Variants in CNNM2 observed in about 807,000 individuals in gnomAD.
The protein encoded by CNNM2 is metal transporter CNNM2.
A neutral mutation model predicts 66.9 loss-of-function variants in CNNM2; 12 were observed. That is an observed-to-expected ratio of 0.18 (90% CI 0.11 to 0.29). CNNM2 has a LOEUF of 0.29. Among genes scored for constraint, CNNM2 ranks in the 10% least tolerant of loss-of-function variants. CNNM2 has a pLI of 1.00. For missense variants in CNNM2, 705 were observed against 1,167.7 expected, an observed-to-expected ratio of 0.60 and a Z score of 5.77; for synonymous variants, 557 against 501.8, an observed-to-expected ratio of 1.11 and a Z score of -1.47.
chr10:103,090,162 T>C lies in CNNM2; in HGVS notation c.*12982T>C, dbSNP rs898073443. On this transcript the variant is annotated 3_prime_UTR_variant, in exon 8 of 8. Coordinates refer to ENST00000369878, the MANE Select transcript of CNNM2 (RefSeq NM_017649.5). ...AAGATGGAGAGGGGAGTTTACTTTC[T>C]ATTTTACAGCAAAAACAAGATAGTC... 8 of 419,854 alleles carry C rather than the reference T, an allele frequency of 1.9e-5. No homozygotes were observed. The highest frequency in any genetic ancestry group is 1.4e-4 in the African/African-American group (7 of 49,478). 26.0% of individuals were successfully genotyped at this position (419,854 alleles called of 1,614,324 possible).
chr10:103,029,879 A>C (rs76791130), intron 1 of CNNM2, among the ~76,000 whole-genome samples: 1 of 147,938 alleles, frequency 6.8e-6, no homozygotes, highest in African/African-American at 2.5e-5. Flanking sequence ...AAAAAAAAAA[A>C]TAATCTCAGA....
At chr10:102,925,326 A>AGATTTACTTG (rs1259313473) in intron 1 of CNNM2, among the ~76,000 whole-genome samples, 1 of 150,068 alleles carries the variant, frequency 6.7e-6, no homozygotes, top group Non-Finnish European at 1.5e-5. Context: ...AAAAAAAAAA[A>AGATTTACTTG]GATTTACTTG....
intron 1 of CNNM2, among the ~76,000 whole-genome samples, chr10:102,971,083 T>C (rs2063539776): frequency 6.6e-6 from 1 of 151,450 alleles, no homozygotes; most frequent in African/African-American, 2.4e-5. Context: ...CCTCTAGTCC[T>C]GGTTACTCAG....
chr10:102,992,401 C>A (rs1289852418), intron 1 of CNNM2, among the ~76,000 whole-genome samples: 1 of 151,064 alleles, frequency 6.6e-6, no homozygotes, highest in Non-Finnish European at 1.5e-5. Context: ...GTTTTCTGAG[C>A]AGCTGGGATT....
intron 1 of CNNM2, among the ~76,000 whole-genome samples, chr10:102,958,039 C>T (rs1367628425): frequency 2.0e-5 from 3 of 152,160 alleles, no homozygotes; most frequent in Admixed American, 6.5e-5. Context: ...TGGGTTCAAG[C>T]GATTTTCCTG....
At chr10:103,041,128 T>G (rs2065033063) in intron 1 of CNNM2, among the ~76,000 whole-genome samples, 1 of 152,110 alleles carries the variant, frequency 6.6e-6, no homozygotes, top group Non-Finnish European at 1.5e-5. Context: ...CTGAACCTAC[T>G]TAGCCCCTCC....
chr10:102,919,718 A>T lies in CNNM2; in HGVS notation c.1238A>T (p.Lys413Ile). The change falls in exon 1 of 8, where the codon AAA becomes ATA. Residue 413 changes from lysine to isoleucine, a missense_variant. By Grantham distance (102) the Lys-to-Ile change is moderately radical. Transcript: ENST00000369878. ...QEIGTVYNRE[K>I]LLEMLRVTDP... ...ATAGGCACCGTCTATAACCGGGAAA[A>T]ACTGCTGGAGATGCTCCGGGTCACC... The T allele has an allele frequency of 6.2e-7, 1 of 1,614,132 alleles. No homozygotes were observed. Among genetic ancestry groups the T allele is most frequent in the Non-Finnish European group, 8.5e-7 (1 of 1,180,030 alleles).
intron 1 of CNNM2, among the ~76,000 whole-genome samples, chr10:102,975,895 C>G (rs565813801): frequency 6.6e-6 from 1 of 152,090 alleles, no homozygotes. Flanking sequence ...ATAATTACAA[C>G]GAAGTCAGCA....
intron 1 of CNNM2, among the ~76,000 whole-genome samples, chr10:103,028,971 TGCCACCATGCC>T (rs2064768463): frequency 7.0e-6 from 1 of 142,196 alleles, no homozygotes; most frequent in Non-Finnish European, 1.6e-5. Flanking sequence ...TATAGGCGTG[TGCCACCATGCC>T]CACTAACTTT....
chr10:102,935,875 T>C (rs1480488522), intron 1 of CNNM2, among the ~76,000 whole-genome samples: 2 of 147,474 alleles, frequency 1.4e-5, no homozygotes, highest in African/African-American at 5.0e-5. Flanking sequence ...CACCTTGGAC[T>C]CCTAAAGTGT....
At chr10:103,075,581 A>C (rs1221905418) in intron 6 of CNNM2, among the ~76,000 whole-genome samples, 1 of 152,202 alleles carries the variant, frequency 6.6e-6, no homozygotes, top group African/African-American at 2.4e-5. Context: ...GACGAAGATA[A>C]TAGGTTCAGC....
rs4917992 is a variant in CNNM2 at position 103,026,556 on chromosome 10, G to A, written c.1622-23151G>A. Reference sequence around the variant, plus strand: ...GTCAAGGTTGCAGTGAGCTGTGATCGTGCCACTGCACTCTAGCCTTAGGGA... The same window carrying A: ...GTCAAGGTTGCAGTGAGCTGTGATCATGCCACTGCACTCTAGCCTTAGGGA... On this transcript the variant is annotated intron_variant, in intron 1 of 7. Transcript: ENST00000369878. Among the ~76,000 whole-genome samples, 44,620 of 144,780 alleles carry A rather than the reference G, an allele frequency of 0.31. 6,845 individuals are homozygous for A. The highest frequency in any genetic ancestry group is 0.41 in the Middle Eastern group (103 of 252). 95.0% of individuals were successfully genotyped at this position (144,780 alleles called of 152,430 possible). A position where few individuals can be genotyped will look rare whatever the true frequency, so the allele number is the denominator to read the frequency against.
chr10:102,965,316 C>T (rs539093344), intron 1 of CNNM2, among the ~76,000 whole-genome samples: 1 of 152,304 alleles, frequency 6.6e-6, no homozygotes, highest in South Asian at 2.1e-4. Flanking sequence ...TCTTTTTCCT[C>T]TTGAGGGTGA....
At chr10:102,935,419 C>T (rs1453234717) in intron 1 of CNNM2, among the ~76,000 whole-genome samples, 1 of 151,938 alleles carries the variant, frequency 6.6e-6, no homozygotes, top group Admixed American at 6.6e-5. Flanking sequence ...TGTGATCACA[C>T]CTCTGCAATC....
intron 3 of CNNM2, 167 bp from the exon 4 acceptor site, chr10:103,056,628 C>A: frequency 1.5e-6 from 1 of 650,380 alleles, no homozygotes; most frequent in Non-Finnish European, 2.7e-6. Context: ...TTTCTAATTT[C>A]TCCCAGGTAA....
rs551653637 is a variant in CNNM2 at position 102,971,257 on chromosome 10, A to G, written c.1621+51156A>G. Among the ~76,000 whole-genome samples, 7 of 148,186 alleles carry G rather than the reference A, an allele frequency of 4.7e-5. No individual in the cohort carries two copies. In the East Asian group the frequency reaches 1.4e-3, roughly 29 times the overall value. ...TAGAGACCTCGTCCCTAAAAAAAAA[A>G]AAAAGAAAAAAAAAAAAGTCTCTGG... On this transcript the variant is annotated intron_variant, in intron 1 of 7. Coordinates refer to ENST00000369878, the MANE Select transcript of CNNM2 (RefSeq NM_017649.5).
chr10:102,970,821 C>T (rs1430668331), intron 1 of CNNM2, among the ~76,000 whole-genome samples: 1 of 152,080 alleles, frequency 6.6e-6, no homozygotes, highest in Non-Finnish European at 1.5e-5. Context: ...CAAGTGTCAC[C>T]CTGGAAGGGA....
chr10:102,919,530 C>A lies in CNNM2; in HGVS notation c.1050C>A (p.Ile350=). The stretch of plus-strand genomic sequence containing the variant: ...TCGTGGCCGTGGTAGTCTCCACCAT[C>A]GGTATCGTCATCTTCGGAGAGATCG... The part of the protein sequence containing the change: ...SGLVAVVVST[I]GIVIFGEIVP... Residue 350 remains isoleucine, a synonymous_variant, in exon 1 of 8, where the codon ATC becomes ATA. Coordinates refer to ENST00000369878, the MANE Select transcript of CNNM2 (RefSeq NM_017649.5). 2 of 1,613,298 alleles carry A rather than the reference C, an allele frequency of 1.2e-6. No homozygotes were observed. The highest frequency in any genetic ancestry group is 1.7e-6 in the Non-Finnish European group (2 of 1,180,036).
intron 1 of CNNM2, among the ~76,000 whole-genome samples, chr10:102,933,548 T>A (rs962236036): frequency 6.6e-6 from 1 of 152,076 alleles, no homozygotes; most frequent in Non-Finnish European, 1.5e-5. Context: ...AAAACATGAG[T>A]TTGTTGAGGT....
Sources: allele counts gnomAD v4.1 joint callset (sites outside exome capture counted in the v4.1 genomes callset), GRCh38; gene constraint gnomAD v4.1.1; transcripts MANE v1.5; gene names NCBI Gene and HGNC (gene_info 2026-07-23, HGNC 2026-07-21).